Variants in SEM1 observed in about 807,000 individuals in gnomAD.
SEM1 encodes the protein 26S proteasome complex subunit SEM1.
A neutral mutation model predicts 12.7 loss-of-function variants in SEM1; 3 were observed. That is an observed-to-expected ratio of 0.24 (90% CI 0.11 to 0.61). The LOEUF is 0.61. Among genes scored for constraint, SEM1 ranks in the 20% least tolerant of loss-of-function variants. The pLI is 0.88. For missense variants in SEM1, 59 were observed against 81.3 expected (o/e 0.73, Z 1.06); for synonymous variants, 30 against 27.8 (o/e 1.08, Z -0.25).
chr7:96,626,654 GAT>G (rs1451231357), intron 2 of SEM1, among the ~76,000 whole-genome samples: 1 of 152,022 alleles, frequency 6.6e-6, no homozygotes, highest in Admixed American at 6.6e-5. Context: ...CATGATGAAT[GAT>G]CTTTCCAATG....
downstream of SEM1, among the ~76,000 whole-genome samples, chr7:96,620,179 C>T (rs1460134288): frequency 2.0e-5 from 3 of 151,978 alleles, no homozygotes; most frequent in African/African-American, 2.4e-5. Flanking sequence ...TTTGGGCCTG[C>T]GTCCAGGGTC....
intron 1 of SEM1, among the ~76,000 whole-genome samples, chr7:96,489,116 C>G (rs561201320): frequency 1.3e-4 from 20 of 152,248 alleles, no homozygotes; most frequent in Middle Eastern, 3.4e-3. Context: ...TACCTCTAAG[C>G]AACACCAAGC....
intron 3 of SEM1, among the ~76,000 whole-genome samples, chr7:96,502,875 A>G (rs1181101507): frequency 1.3e-5 from 2 of 152,226 alleles, no homozygotes; most frequent in Non-Finnish European, 1.5e-5. Flanking sequence ...CAACTTCACC[A>G]TAAGAGGCAT....
At chr7:96,603,172 G>A (rs886895987) in intron 2 of SEM1, among the ~76,000 whole-genome samples, 1 of 152,150 alleles carries the variant, frequency 6.6e-6, no homozygotes, top group Non-Finnish European at 1.5e-5. Context: ...GCCTGGCTTT[G>A]AGCAAGGCAT....
chr7:96,621,417 A>G (rs1475879617), downstream of SEM1, among the ~76,000 whole-genome samples: 1 of 152,202 alleles, frequency 6.6e-6, no homozygotes, highest in African/African-American at 2.4e-5. Flanking sequence ...ATAAAATGTT[A>G]TCTTAAAAGA....
chr7:96,593,460 G>A (rs764148644), intron 2 of SEM1, among the ~76,000 whole-genome samples: 11 of 152,076 alleles, frequency 7.2e-5, no homozygotes, highest in Non-Finnish European at 1.5e-4. Flanking sequence ...ACAGCCACCT[G>A]GAACTAATTT....
At chr7:96,697,991 T>C (rs1214674071) in intron 1 of SEM1, among the ~76,000 whole-genome samples, 1 of 152,198 alleles carries the variant, frequency 6.6e-6, no homozygotes, top group Non-Finnish European at 1.5e-5. Context: ...GCTACTATAT[T>C]TTCTCTAACA....
chr7:96,527,346 G>C (rs989999955), intron 2 of SEM1, among the ~76,000 whole-genome samples: 3 of 152,032 alleles, frequency 2.0e-5, no homozygotes, highest in African/African-American at 7.2e-5. Context: ...CTGGGTAAAC[G>C]GTGTCACTTC....
In SEM1 at chr7:96,633,035, C is replaced by CTGAG. The variant is rs1436989803; in HGVS notation, c.171-10396_171-10393dup. Reference sequence around the variant, plus strand: ...CAGACACAAAGTGCTTGGTTCAATGCTGAGTGACTCTACTGGCTGAATGTT... The same window carrying CTGAG: ...CAGACACAAAGTGCTTGGTTCAATGCTGAGTGAGTGACTCTACTGGCTGAATGTT... On this transcript the variant is annotated intron_variant, in intron 2 of 2. Coordinates refer to the SEM1 transcript ENST00000417009. Among the ~76,000 whole-genome samples, 3 of 152,112 alleles carry CTGAG rather than the reference C, an allele frequency of 2.0e-5. No individual in the cohort carries two copies. In the East Asian group the frequency reaches 5.8e-4, roughly 29 times the overall value.
intron 2 of SEM1, among the ~76,000 whole-genome samples, chr7:96,613,032 T>TTA (rs1807591385): frequency 6.6e-6 from 1 of 152,218 alleles, no homozygotes; most frequent in African/African-American, 2.4e-5. Context: ...ACCTGCAAAC[T>TTA]AAAGTGAGCT....
At chr7:96,625,263 T>C (rs1808026120) in intron 2 of SEM1, among the ~76,000 whole-genome samples, 1 of 152,210 alleles carries the variant, frequency 6.6e-6, no homozygotes. Flanking sequence ...GGGTGTCATT[T>C]CATTTTTACA....
At chr7:96,595,554 A>G (rs1806971134) in intron 2 of SEM1, among the ~76,000 whole-genome samples, 7 of 152,172 alleles carry the variant, frequency 4.6e-5, no homozygotes. Context: ...AAAGGCAATC[A>G]AAGACTCTGT....
intron 2 of SEM1, among the ~76,000 whole-genome samples, chr7:96,676,479 T>C (rs1409406723): frequency 7.2e-5 from 11 of 152,196 alleles, no homozygotes; most frequent in Non-Finnish European, 1.5e-5. Context: ...ATGTAAAATA[T>C]ATGTATAAAT....
chr7:96,522,678 G>A (rs1228857508), intron 2 of SEM1, among the ~76,000 whole-genome samples: 1 of 150,164 alleles, frequency 6.7e-6, no homozygotes, highest in East Asian at 2.0e-4. Flanking sequence ...GGGAGTTCGA[G>A]ACCAGCCTGA....
At chr7:96,636,393 A>T (rs911397001) in intron 2 of SEM1, among the ~76,000 whole-genome samples, 24 of 152,016 alleles carry the variant, frequency 1.6e-4, no homozygotes, top group African/African-American at 5.3e-4. Flanking sequence ...GGTAAGGCAG[A>T]ATCTGTACCT....
At chr7:96,555,721 C>G (rs1366404293) in intron 2 of SEM1, among the ~76,000 whole-genome samples, 1 of 142,630 alleles carries the variant, frequency 7.0e-6, no homozygotes, top group Non-Finnish European at 1.5e-5. Flanking sequence ...TGGTGCAGAG[C>G]TGAGTTCAAT....
At chr7:96,506,872 C>T (rs1403857227) in intron 2 of SEM1, among the ~76,000 whole-genome samples, 1 of 151,900 alleles carries the variant, frequency 6.6e-6, no homozygotes, top group East Asian at 1.9e-4. Flanking sequence ...TTAAAATACT[C>T]AACAGTATTG....
chr7:96,636,168 T>C (rs1808419493), intron 2 of SEM1, among the ~76,000 whole-genome samples: 1 of 151,986 alleles, frequency 6.6e-6, no homozygotes, highest in African/African-American at 2.4e-5. Context: ...TCTGGAAAGG[T>C]GTGCAATATA....
Position 96,705,911 on chromosome 7 carries a change from ATCT to A in SEM1, c.76+3774_76+3776del, listed in dbSNP as rs368294498. ...CTGACCGTATGATTTGAAAAATGAA[ATCT>A]TCTCTAGACTTTTAAGTTGCCCTCC... On this transcript the variant is annotated intron_variant, in intron 1 of 2. Coordinates refer to ENST00000248566, the MANE Select transcript of SEM1 (RefSeq NM_006304.2). 4.7e-4 allele frequency among the ~76,000 whole-genome samples: 71 copies of A among 152,244 alleles called. 2 individuals carry two copies. In the East Asian group the frequency reaches 0.013, roughly 27 times the overall value.
Sources: gnomAD v4.1 joint callset for allele counts (sites outside exome capture counted in the v4.1 genomes callset) on GRCh38, gnomAD v4.1.1 for gene constraint, MANE v1.5 for transcripts, NCBI Gene and HGNC (gene_info 2026-07-23, HGNC 2026-07-21) for gene names.